CNBD1: variants seen among roughly 807,000 people sequenced by gnomAD.
CNBD1 encodes cyclic nucleotide binding domain containing 1.
In CNBD1, 71 loss-of-function variants were observed where a neutral mutation model predicts 54.4. The observed-to-expected ratio is 1.30, with a 90% confidence interval of 1.08 to 1.59. CNBD1 has a LOEUF of 1.59. CNBD1 is among the 40% of genes most tolerant of loss of function. CNBD1 has a pLI of 0.00. For missense variants in CNBD1, 659 were observed against 518.0 expected, an observed-to-expected ratio of 1.27 and a Z score of -2.64; for synonymous variants, 182 against 170.7, an observed-to-expected ratio of 1.07 and a Z score of -0.51.
intron 2 of CNBD1, among the ~76,000 whole-genome samples, chr8:87,408,184 T>C (rs913901180): frequency 6.6e-6 from 1 of 152,060 alleles, no homozygotes; most frequent in Non-Finnish European, 1.5e-5. Context: ...TCCTCAAACA[T>C]TGCTTCTGCT....
In CNBD1 at chr8:87,391,634, G is replaced by A. The variant is rs188230831; in HGVS notation, c.214-36912G>A. Among the ~76,000 whole-genome samples the A allele has an allele frequency of 5.2e-4, 79 of 152,034 alleles. 2 individuals are homozygous for A. The South Asian group carries it at 0.013, about 26-fold the overall frequency. On this transcript the variant is annotated intron_variant, in intron 2 of 7. Transcript: ENST00000521593. The stretch of plus-strand genomic sequence containing the variant: ...TTCAACAAATCATGCTGGGATAATG[G>A]GATAATAGAAGACTGAAGTTGGATC...
intron 4 of CNBD1, among the ~76,000 whole-genome samples, chr8:86,979,447 T>C (rs1309023357): frequency 1.4e-5 from 2 of 144,316 alleles, no homozygotes; most frequent in Non-Finnish European, 3.0e-5. Flanking sequence ...CAATTTAGCC[T>C]GCCATGGTGG....
chr8:87,334,854 G>T (rs1037477296), intron 8 of CNBD1, among the ~76,000 whole-genome samples: 1 of 151,710 alleles, frequency 6.6e-6, no homozygotes, highest in Non-Finnish European at 1.5e-5. Context: ...CTCCAGAGCC[G>T]CTGGGACTAC....
chr8:87,232,833 G>T (rs1187926030), intron 5 of CNBD1, among the ~76,000 whole-genome samples: 1 of 152,116 alleles, frequency 6.6e-6, no homozygotes, highest in African/African-American at 2.4e-5. Flanking sequence ...GAAACTAAAA[G>T]AGAAGAGTCA....
At chr8:87,048,719 T>C (rs796431231) in intron 4 of CNBD1, among the ~76,000 whole-genome samples, 39 of 152,314 alleles carry the variant, frequency 2.6e-4, no homozygotes, top group African/African-American at 7.9e-4. Context: ...CTAAAAGATA[T>C]GGAATGCCCC....
At chr8:87,423,165 G>T (rs1807975940) in intron 2 of CNBD1, among the ~76,000 whole-genome samples, 1 of 152,132 alleles carries the variant, frequency 6.6e-6, no homozygotes, top group Admixed American at 6.5e-5. Context: ...CAGCTTTAAG[G>T]AGATTTTGGG....
At chr8:87,132,672 G>T (rs1812142837) in intron 4 of CNBD1, among the ~76,000 whole-genome samples, 1 of 146,340 alleles carries the variant, frequency 6.8e-6, no homozygotes. Flanking sequence ...TAATATATAT[G>T]ATATATCTTA....
intron 4 of CNBD1, among the ~76,000 whole-genome samples, chr8:87,009,541 C>A (rs550214979): frequency 1.5e-4 from 23 of 152,192 alleles, no homozygotes; most frequent in African/African-American, 5.3e-4. Context: ...ACCTCATGAT[C>A]TGCCCACCTC....
At chr8:87,046,639 C>T (rs764233832) in intron 4 of CNBD1, among the ~76,000 whole-genome samples, 5 of 152,038 alleles carry the variant, frequency 3.3e-5, no homozygotes, top group East Asian at 1.9e-4. Flanking sequence ...TCTTTGCATC[C>T]GCTTCATAAA....
intron 5 of CNBD1, among the ~76,000 whole-genome samples, chr8:87,231,418 G>A (rs1042415142): frequency 6.6e-6 from 1 of 152,154 alleles, no homozygotes; most frequent in Non-Finnish European, 1.5e-5. Context: ...CTGCCACTGG[G>A]TGTCTTCAAA....
chr8:86,894,595 A>T (rs1367975559), intron 2 of CNBD1, among the ~76,000 whole-genome samples: 1 of 152,168 alleles, frequency 6.6e-6, no homozygotes, highest in Non-Finnish European at 1.5e-5. Context: ...CAAGTATATA[A>T]TGACATGGAA....
At chr8:87,370,168 A>T (rs1810746039) in intron 10 of CNBD1, among the ~76,000 whole-genome samples, 1 of 151,824 alleles carries the variant, frequency 6.6e-6, no homozygotes, top group East Asian at 1.9e-4. Context: ...TGCTATTGTG[A>T]ATAGTGCCGC....
chr8:87,013,460 A>AG (rs1809266288), intron 4 of CNBD1, among the ~76,000 whole-genome samples: 1 of 152,076 alleles, frequency 6.6e-6, no homozygotes, highest in Non-Finnish European at 1.5e-5. Flanking sequence ...TCAGAAAAAA[A>AG]GTCCTAGGGT....
At chr8:87,330,197 T>A (rs189123128) in intron 8 of CNBD1, among the ~76,000 whole-genome samples, 60 of 151,340 alleles carry the variant, frequency 4.0e-4, no homozygotes, top group African/African-American at 1.4e-3. Context: ...TCCCCTATTT[T>A]ATTTCCCATA....
At chr8:87,249,028 T>G (rs1421637287) in intron 6 of CNBD1, among the ~76,000 whole-genome samples, 1 of 152,196 alleles carries the variant, frequency 6.6e-6, no homozygotes, top group Non-Finnish European at 1.5e-5. Context: ...AGCTTGTCAC[T>G]TGCCACTCAC....
intron 4 of CNBD1, among the ~76,000 whole-genome samples, chr8:87,123,483 C>T (rs1464264518): frequency 1.3e-5 from 2 of 151,526 alleles, no homozygotes; most frequent in Non-Finnish European, 3.0e-5. Context: ...TAAACATAAA[C>T]ATAACACATC....
intron 4 of CNBD1, among the ~76,000 whole-genome samples, chr8:87,094,365 C>T (rs1317596025): frequency 1.3e-5 from 2 of 151,454 alleles, no homozygotes; most frequent in African/African-American, 4.8e-5. Context: ...GGCTTTAGAG[C>T]ACATGGTTTT....
chr8:86,936,765 A>T (rs1169666115), intron 3 of CNBD1, among the ~76,000 whole-genome samples: 2 of 150,154 alleles, frequency 1.3e-5, no homozygotes, highest in Middle Eastern at 6.8e-3. Context: ...AAAAAAATCT[A>T]TAGGGATTAA....
intron 10 of CNBD1, among the ~76,000 whole-genome samples, chr8:87,366,607 C>T (rs1221462105): frequency 6.6e-6 from 1 of 152,078 alleles, no homozygotes; most frequent in Non-Finnish European, 1.5e-5. Flanking sequence ...AATCCCTGTA[C>T]TGTGTAATAT....
Sources: allele counts gnomAD v4.1 joint callset (sites outside exome capture counted in the v4.1 genomes callset), GRCh38; gene constraint gnomAD v4.1.1; transcripts MANE v1.5; gene names NCBI Gene and HGNC (gene_info 2026-07-23, HGNC 2026-07-21).